WDSUB1: variants seen among roughly 807,000 people sequenced by gnomAD.
The protein encoded by WDSUB1 is WD repeat, SAM and U-box domain-containing protein 1.
WDSUB1 carries 49 observed loss-of-function variants against 53.9 expected under a neutral mutation model. The ratio of observed to expected loss-of-function variants is 0.91; its 90% CI spans 0.72 to 1.15. The LOEUF (loss-of-function observed/expected upper bound fraction) is 1.15. Among genes scored for constraint, WDSUB1 ranks in the 50% most tolerant of loss-of-function variants. The probability of loss-of-function intolerance (pLI) is 0.00; values close to 1 mark genes in which losing one functional copy is unlikely to be tolerated. For synonymous variants in WDSUB1, 194 were observed against 200.6 expected (o/e 0.97, Z 0.28); for missense variants, 514 against 562.0 (o/e 0.91, Z 0.86).
chr2:159,241,016 T>G (rs1031086900), intron 10 of WDSUB1, among the ~76,000 whole-genome samples: 1 of 152,156 alleles, frequency 6.6e-6, no homozygotes, highest in Non-Finnish European at 1.5e-5. Context: ...GAGAAAAGTC[T>G]ACGATGACAA....
At chr2:159,271,102 A>G (rs11891359) in intron 5 of WDSUB1, among the ~76,000 whole-genome samples, 22,911 of 152,064 alleles carry the variant, frequency 0.15, 3,479 homozygotes, top group African/African-American at 0.38. Flanking sequence ...ACAAAACAAC[A>G]CTGCTATAGA....
intron 2 of WDSUB1, among the ~76,000 whole-genome samples, chr2:159,280,521 C>T (rs1241868016): frequency 6.7e-6 from 1 of 149,916 alleles, no homozygotes; most frequent in Non-Finnish European, 1.5e-5. Flanking sequence ...GAAACCCCGT[C>T]TCTACTAAAA....
rs1443882374 is a variant in WDSUB1 at position 159,238,924 on chromosome 2, CATT to C, written c.1274-2737_1274-2735del. 2.0e-5 allele frequency among the ~76,000 whole-genome samples: 3 copies of C among 152,286 alleles called. No homozygotes were observed. In the East Asian group the frequency reaches 5.8e-4, roughly 29 times the overall value. ...CTACCCCTCAGCATGCTCCACCTGC[CATT>C]ATACTTTCACAGGGATGTTTTTGTT... On this transcript the variant is annotated intron_variant, in intron 10 of 10. Coordinates refer to ENST00000359774, the MANE Select transcript of WDSUB1 (RefSeq NM_001128212.3).
rs1419574975 is a variant in WDSUB1 at position 159,282,988 on chromosome 2, A to G, written c.82T>C (p.Cys28Arg). Reference sequence around the variant, plus strand: ...AGGCGAATTGTTTTGTCCAAGGAGCAAGTAGCCAAGAGGGAAAAGGAGAAG... The same window carrying G: ...AGGCGAATTGTTTTGTCCAAGGAGCGAGTAGCCAAGAGGGAAAAGGAGAAG... ...CAFSFSLLATCSLDKTIRLYS... is the reference protein window; with the variant it reads ...CAFSFSLLATRSLDKTIRLYS... Residue 28 changes from cysteine to arginine, a missense_variant, in exon 2 of 11, where the codon TGC (cysteine) becomes CGC (arginine). Cys to Arg is a radical substitution (Grantham distance 180). Transcript: ENST00000359774. 6.2e-7 allele frequency: 1 copy of G among 1,614,110 alleles called. No individual in the cohort carries two copies. The highest frequency in any genetic ancestry group is 1.3e-5 in the African/African-American group (1 of 74,942).
At chr2:159,258,051 T>C (rs2061107681) in intron 6 of WDSUB1, 66 bp from the exon 7 acceptor site, 3 of 1,444,808 alleles carry the variant, frequency 2.1e-6, no homozygotes, top group Non-Finnish European at 1.9e-6. Context: ...TGAAGACTCA[T>C]TTGACATAAA....
At chr2:159,282,628 C>T (rs1184240791) in intron 2 of WDSUB1, 44 bp downstream of exon 2, 5 of 1,564,078 alleles carry the variant, frequency 3.2e-6, no homozygotes, top group Non-Finnish European at 4.3e-6. Context: ...TTTAAGTACA[C>T]CTAGTCAACA....
intron 10 of WDSUB1, among the ~76,000 whole-genome samples, chr2:159,246,133 A>G (rs1016611982): frequency 7.2e-5 from 11 of 152,304 alleles, no homozygotes; most frequent in African/African-American, 2.6e-4. Flanking sequence ...GGAAATGCAA[A>G]TTAAAAGCAC....
intron 5 of WDSUB1, among the ~76,000 whole-genome samples, 191 bp from the exon 6 acceptor site, chr2:159,260,034 C>T (rs1359121623): frequency 4.6e-5 from 7 of 152,120 alleles, no homozygotes; most frequent in Non-Finnish European, 1.0e-4. Flanking sequence ...CCAGGCGCAG[C>T]GGCTCACGCC....
intron 5 of WDSUB1, among the ~76,000 whole-genome samples, chr2:159,263,140 A>T (rs898656317): frequency 4.6e-5 from 7 of 152,108 alleles, no homozygotes; most frequent in Admixed American, 3.9e-4. Flanking sequence ...GACGTGGTGT[A>T]ATCACAGACT....
At chr2:159,285,568 T>C (rs2061774261) in intron 1 of WDSUB1, among the ~76,000 whole-genome samples, 1 of 151,970 alleles carries the variant, frequency 6.6e-6, no homozygotes, top group Admixed American at 6.6e-5. Context: ...TAGCTGGGTG[T>C]GGTGGCGAGC....
chr2:159,280,690 C>CAAAAAAAAAAAAAAA (rs58584838), intron 2 of WDSUB1, among the ~76,000 whole-genome samples: 1 of 59,592 alleles, frequency 1.7e-5, no homozygotes, highest in African/African-American at 1.0e-4. Context: ...GACTCCGTCT[C>CAAAAAAAAAAAAAAA]AAAAAAAAAA....
chr2:159,280,708 A>AAAAAAAAAAC (rs111752652), intron 2 of WDSUB1, among the ~76,000 whole-genome samples: 9 of 134,374 alleles, frequency 6.7e-5, no homozygotes, highest in African/African-American at 1.7e-4. Flanking sequence ...AAAAAAAAAA[A>AAAAAAAAAAC]ATTACCCAGA....
chr2:159,279,850 A>G lies in WDSUB1; in HGVS notation c.494T>C (p.Val165Ala), dbSNP rs373081585. The change falls in exon 3 of 11, where the codon GTG (valine) becomes GCG (alanine). Residue 165 changes from valine to alanine, a missense_variant. Transcript: ENST00000359774. ...VTGSSCGDLTVWDDKMRCLHS... is the reference protein window; with the variant it reads ...VTGSSCGDLTAWDDKMRCLHS... ...CAGACACCTCATTTTATCATCCCAC[A>G]CTGTTAAATCACCACATGAGGAGCC... 18 of 1,612,628 alleles carry G rather than the reference A, an allele frequency of 1.1e-5. No individual in the cohort carries two copies. The highest frequency in any genetic ancestry group is 1.5e-5 in the Non-Finnish European group (18 of 1,179,090).
At chr2:159,267,772 AATCT>A (rs2061373885) in intron 5 of WDSUB1, among the ~76,000 whole-genome samples, 1 of 152,304 alleles carries the variant, frequency 6.6e-6, no homozygotes, top group Admixed American at 6.5e-5. Flanking sequence ...TCACAAATAG[AATCT>A]ATCATTAACT....
chr2:159,281,846 A>C (rs1160377217), intron 2 of WDSUB1, among the ~76,000 whole-genome samples: 1 of 152,114 alleles, frequency 6.6e-6, no homozygotes, highest in Non-Finnish European at 1.5e-5. Flanking sequence ...GCATGGTGGC[A>C]GGAGTCTGTA....
At chr2:159,270,659 T>G (rs2061428263) in intron 5 of WDSUB1, among the ~76,000 whole-genome samples, 4 of 152,218 alleles carry the variant, frequency 2.6e-5, no homozygotes. Flanking sequence ...GGATTCCTAT[T>G]GCACATCATA....
In WDSUB1 at chr2:159,281,697, C is replaced by T. The variant is rs113259340; in HGVS notation, c.398+975G>A. ...AAAGCTTTACATACTATGGGCCGGG[C>T]GCAGTGGCTCATACCTGTAATCCCA... On this transcript the variant is annotated intron_variant, in intron 2 of 10. Coordinates refer to ENST00000359774, the MANE Select transcript of WDSUB1 (RefSeq NM_001128212.3). 9.8e-4 allele frequency among the ~76,000 whole-genome samples: 149 copies of T among 152,050 alleles called. 3 individuals are homozygous for T. Among genetic ancestry groups the T allele is most frequent in the Admixed American group, 9.6e-3 (147 of 15,256 alleles).
At chr2:159,254,039 G>A (rs921605297) in intron 9 of WDSUB1, among the ~76,000 whole-genome samples, 3 of 152,180 alleles carry the variant, frequency 2.0e-5, no homozygotes, top group African/African-American at 7.2e-5. Flanking sequence ...TTATTTACTA[G>A]AGAATGTGCA....
intron 4 of WDSUB1, among the ~76,000 whole-genome samples, chr2:159,273,932 G>A (rs1414056234): frequency 2.0e-5 from 3 of 152,142 alleles, no homozygotes; most frequent in African/African-American, 7.2e-5. Context: ...TTTAACTGAA[G>A]CTTACTAGGT....
Sources: gnomAD v4.1 joint callset for allele counts (sites outside exome capture counted in the v4.1 genomes callset) on GRCh38, gnomAD v4.1.1 for gene constraint, MANE v1.5 for transcripts, NCBI Gene and HGNC (gene_info 2026-07-23, HGNC 2026-07-21) for gene names.